The following CNTN3 variants were observed in gnomAD, a reference collection of about 807,000 sequenced individuals.
CNTN3 encodes contactin-3.
A neutral mutation model predicts 119.1 loss-of-function variants in CNTN3; 60 were observed. That is an observed-to-expected ratio of 0.50 (90% CI 0.41 to 0.62). The LOEUF is 0.62. CNTN3 is among the 20% of genes least tolerant of loss of function. The probability of loss-of-function intolerance (pLI) is 0.00; values close to 1 mark genes in which losing one functional copy is unlikely to be tolerated. For missense variants in CNTN3, 1,101 were observed against 1,242.4 expected (o/e 0.89, Z 1.71); for synonymous variants, 450 against 438.7 (o/e 1.03, Z -0.32).
Position 74,473,361 on chromosome 3 carries a change from T to C in CNTN3, c.358+13095A>G, listed in dbSNP as rs1329640480. On this transcript the variant is annotated intron_variant, in intron 4 of 22. Transcript: ENST00000263665. ...TCAGAGATCATTAACCAGTGACCCATGGGCTATATCTGGCCCTCAGACTTG... is the reference window on the plus strand; with the variant it reads ...TCAGAGATCATTAACCAGTGACCCACGGGCTATATCTGGCCCTCAGACTTG... 9.2e-5 allele frequency among the ~76,000 whole-genome samples: 14 copies of C among 152,324 alleles called. No individual in the cohort carries two copies. In the East Asian group the frequency reaches 2.5e-3, roughly 27 times the overall value.
intron 18 of CNTN3, among the ~76,000 whole-genome samples, chr3:74,296,693 A>G (rs775778310): frequency 1.3e-5 from 2 of 152,182 alleles, no homozygotes; most frequent in Non-Finnish European, 2.9e-5. Flanking sequence ...CTTGGTTAAA[A>G]TACTGGCTGT....
chr3:74,531,318 G>T (rs1449001485), intron 1 of CNTN3, among the ~76,000 whole-genome samples: 1 of 151,900 alleles, frequency 6.6e-6, no homozygotes, highest in Non-Finnish European at 1.5e-5. Context: ...GGAGCTAAGA[G>T]AAGAACTCCC....
chr3:74,308,477 T>C (rs1702609246), intron 13 of CNTN3, among the ~76,000 whole-genome samples: 1 of 152,214 alleles, frequency 6.6e-6, no homozygotes, highest in Non-Finnish European at 1.5e-5. Context: ...ATAAGTGTTT[T>C]AAAAGAGTGA....
At chr3:74,268,718 C>A (rs1415972323) in intron 20 of CNTN3, among the ~76,000 whole-genome samples, 1 of 152,104 alleles carries the variant, frequency 6.6e-6, no homozygotes, top group Non-Finnish European at 1.5e-5. Flanking sequence ...ATACTAATGA[C>A]CATGTTCTGG....
chr3:74,402,555 C>T (rs1039160906), intron 5 of CNTN3, among the ~76,000 whole-genome samples: 2 of 152,122 alleles, frequency 1.3e-5, no homozygotes, highest in African/African-American at 2.4e-5. Flanking sequence ...CAGCAGATAC[C>T]TGCATCTGTT....
Position 74,437,390 on chromosome 3 carries a change from A to G in CNTN3, c.359-12450T>C, listed in dbSNP as rs1353583909. ...GGCAGGAGAATGGCGTGAATCCGGG[A>G]GGCAGAGCTTGCAGTGAGCCGAGAT... On this transcript the variant is annotated intron_variant, in intron 4 of 22. Transcript: ENST00000263665. 5.3e-5 allele frequency among the ~76,000 whole-genome samples: 8 copies of G among 152,198 alleles called. No individual in the cohort carries two copies. The South Asian group carries it at 1.7e-3, about 32-fold the overall frequency.
At chr3:74,591,497 C>T (rs1704702268) in intron 1 of CNTN3, among the ~76,000 whole-genome samples, 1 of 151,802 alleles carries the variant, frequency 6.6e-6, no homozygotes, top group African/African-American at 2.4e-5. Context: ...ATAATTCATA[C>T]AGTACTGTGT....
intron 13 of CNTN3, 52 bp from the exon 14 acceptor site, chr3:74,302,859 A>T (rs1402515663): frequency 8.2e-7 from 1 of 1,213,036 alleles, no homozygotes. Flanking sequence ...AAAAACACAA[A>T]GAAGTTTGAA....
chr3:74,481,707 T>C (rs1385070388), intron 4 of CNTN3, among the ~76,000 whole-genome samples: 3 of 151,406 alleles, frequency 2.0e-5, no homozygotes, highest in East Asian at 1.9e-4. Flanking sequence ...AAAAGAACTA[T>C]AAAAAATACA....
chr3:74,461,698 A>T lies in CNTN3; in HGVS notation c.358+24758T>A, dbSNP rs537754203. On this transcript the variant is annotated intron_variant, in intron 4 of 22. Coordinates refer to ENST00000263665, the MANE Select transcript of CNTN3 (RefSeq NM_020872.3). ...CTTTGCATCATATTGTTAGATAGTT[A>T]CAGTATCAGACAATAACTAAAATGG... 3.8e-4 allele frequency among the ~76,000 whole-genome samples: 58 copies of T among 152,260 alleles called. 1 individual carries two copies. The South Asian group carries it at 6.0e-3, about 16-fold the overall frequency.
chr3:74,449,458 T>C (rs1158990358), intron 4 of CNTN3, among the ~76,000 whole-genome samples: 1 of 152,048 alleles, frequency 6.6e-6, no homozygotes, highest in Non-Finnish European at 1.5e-5. Context: ...CACTTTTATT[T>C]ATAATAATCA....
At chr3:74,349,150 T>C (rs1703759853) in intron 11 of CNTN3, among the ~76,000 whole-genome samples, 1 of 151,408 alleles carries the variant, frequency 6.6e-6, no homozygotes, top group Middle Eastern at 3.5e-3. Flanking sequence ...GAACAGTAGA[T>C]GTTAAATAAA....
At chr3:74,513,839 C>T (rs917234645) in intron 2 of CNTN3, among the ~76,000 whole-genome samples, 2 of 151,854 alleles carry the variant, frequency 1.3e-5, no homozygotes, top group African/African-American at 2.4e-5. Context: ...ATAAAGTAAG[C>T]CCAGATGGTA....
At chr3:74,341,627 G>A (rs951646692) in intron 11 of CNTN3, among the ~76,000 whole-genome samples, 6 of 152,020 alleles carry the variant, frequency 3.9e-5, no homozygotes, top group African/African-American at 1.4e-4. Flanking sequence ...GTTAGTTTGG[G>A]ATAAGTAAAT....
chr3:74,366,080 T>A (rs1704178753), intron 8 of CNTN3, among the ~76,000 whole-genome samples: 1 of 152,148 alleles, frequency 6.6e-6, no homozygotes, highest in African/African-American at 2.4e-5. Context: ...CAACTGATGA[T>A]GACTTAATAA....
chr3:74,570,467 G>T (rs1477245348), intron 1 of CNTN3, among the ~76,000 whole-genome samples: 1 of 142,088 alleles, frequency 7.0e-6, no homozygotes, highest in African/African-American at 2.6e-5. Context: ...TGGTCTTAGA[G>T]AACTGGCTCT....
chr3:74,605,203 A>G (rs1350019656), intron 1 of CNTN3, among the ~76,000 whole-genome samples: 2 of 152,246 alleles, frequency 1.3e-5, no homozygotes, highest in South Asian at 4.1e-4. Flanking sequence ...CAAGAAGAAT[A>G]AGTTCAAGAG....
At chr3:74,323,962 A>G (rs1703063738) in intron 13 of CNTN3, among the ~76,000 whole-genome samples, 1 of 152,126 alleles carries the variant, frequency 6.6e-6, no homozygotes, top group Non-Finnish European at 1.5e-5. Flanking sequence ...AGGAATTATA[A>G]ACAATATCAA....
At chr3:74,436,902 G>T (rs1701875807) in intron 4 of CNTN3, among the ~76,000 whole-genome samples, 1 of 152,256 alleles carries the variant, frequency 6.6e-6, no homozygotes, top group East Asian at 1.9e-4. Context: ...AAATAATAAA[G>T]TGAACTCCTA....
Sources: gnomAD v4.1 joint callset for allele counts (sites outside exome capture counted in the v4.1 genomes callset) on GRCh38, gnomAD v4.1.1 for gene constraint, MANE v1.5 for transcripts, NCBI Gene and HGNC (gene_info 2026-07-23, HGNC 2026-07-21) for gene names.